Variants in KASH5 observed in about 807,000 individuals in gnomAD.
KASH5 encodes the protein KASH domain containing 5, also known as protein KASH5.
Under a neutral mutation model 84.2 loss-of-function variants are expected in KASH5, and 72 were observed. The ratio of observed to expected loss-of-function variants is 0.85; its 90% CI spans 0.71 to 1.04. The LOEUF (loss-of-function observed/expected upper bound fraction) is 1.04, where lower values mean the gene tolerates loss of function less well. KASH5 is among the 50% of genes least tolerant of loss of function. The pLI, the probability that KASH5 is intolerant of heterozygous loss-of-function variation, is 0.00. For missense variants in KASH5, 650 were observed against 701.0 expected (o/e 0.93, Z 0.82); for synonymous variants, 260 against 279.1 (o/e 0.93, Z 0.68).
At chr19:49,391,289 G>A (rs1425071251) in intron 2 of KASH5, among the ~76,000 whole-genome samples, 1 of 152,130 alleles carries the variant, frequency 6.6e-6, no homozygotes, top group African/African-American at 2.4e-5. Flanking sequence ...GCTCACATCT[G>A]TATGTCATGT....
chr19:49,416,567 C>T lies in KASH5; in HGVS notation c.1375-448C>T, dbSNP rs1974910425. Among the ~76,000 whole-genome samples, 1 of 152,150 alleles carries T rather than the reference C, an allele frequency of 6.6e-6. No individual in the cohort carries two copies. The highest frequency in any genetic ancestry group is 2.4e-5 in the African/African-American group (1 of 41,426). On this transcript the variant is annotated intron_variant, in intron 17 of 19. Coordinates refer to ENST00000447857, the MANE Select transcript of KASH5 (RefSeq NM_144688.5). This position sits in a 1 kb window ranked among gnomAD's most constrained non-coding sequence, Gnocchi z 5.4. Reference sequence around the variant, plus strand: ...AGGAAGACAGGATTCTTCATGAGGCCCAGCACAGGGGTGGGCACCTGTAGA... The same window carrying T: ...AGGAAGACAGGATTCTTCATGAGGCTCAGCACAGGGGTGGGCACCTGTAGA...
At chr19:49,407,774 A>G (rs1413495440) in intron 12 of KASH5, 103 bp downstream of exon 12, 2 of 1,118,618 alleles carry the variant, frequency 1.8e-6, no homozygotes, top group Non-Finnish European at 2.7e-6. Context: ...GTCAGTGGCC[A>G]CATCTTGCTT....
chr19:49,388,609 T>C (rs1973887239), intron 1 of KASH5: 1 of 152,040 alleles, frequency 6.6e-6, no homozygotes, highest in Non-Finnish European at 1.5e-5. Flanking sequence ...GGAGAACTGC[T>C]TGAACCTGGA....
chr19:49,398,225 C>A, intron 7 of KASH5, 82 bp downstream of exon 7: 1 of 1,273,446 alleles, frequency 7.9e-7, no homozygotes, highest in South Asian at 1.5e-5. Flanking sequence ...CTCCCATGCT[C>A]GTGTCTGCAT....
Position 49,395,240 on chromosome 19 carries a change from G to A in KASH5, c.283G>A (p.Asp95Asn), listed in dbSNP as rs752588537. The change falls in exon 4 of 20, where the codon GAC becomes AAC. Residue 95 changes from aspartate (D) to asparagine (N), a missense_variant. Coordinates refer to ENST00000447857, the MANE Select transcript of KASH5 (RefSeq NM_144688.5). The surrounding 1 kb of genome is among the most constrained non-coding windows in gnomAD (Gnocchi z 4.4). ...GGGCCCTAAGGCCACTGTGGACTTG[G>A]ACACTTTCCTGGTTGTCATGCGTGA... is the stretch of plus-strand genomic sequence containing the variant. ...GEGPKATVDL[D>N]TFLVVMRDWI... 1 of 1,613,194 alleles carries A rather than the reference G, an allele frequency of 6.2e-7. No homozygotes were observed. The highest frequency in any genetic ancestry group is 1.1e-5 in the South Asian group (1 of 91,008).
intron 14 of KASH5, among the ~76,000 whole-genome samples, chr19:49,409,509 C>G (rs1017996175): frequency 4.6e-5 from 7 of 152,162 alleles, no homozygotes; most frequent in African/African-American, 1.7e-4. Context: ...CTTTGACTCA[C>G]CCCTATCTCG....
intron 6 of KASH5, 49 bp from the exon 7 acceptor site, chr19:49,397,933 A>G: frequency 6.3e-7 from 1 of 1,586,348 alleles, no homozygotes; most frequent in Non-Finnish European, 8.6e-7. Flanking sequence ...ACCCGGGGAA[A>G]TGAGTCAGGG....
chr19:49,417,546 CAATA>C lies in KASH5; in HGVS notation c.*40_*43del. ...TTGCCCCTCAGAGCAGTGTCTAGCT[CAATA>C]AATCCCCTGGCCCTCTCTCCACTGG... is the stretch of plus-strand genomic sequence containing the variant. On this transcript the variant is annotated 3_prime_UTR_variant, in exon 20 of 20. Coordinates refer to ENST00000447857, the MANE Select transcript of KASH5 (RefSeq NM_144688.5). This position sits in a 1 kb window ranked among gnomAD's most constrained non-coding sequence, Gnocchi z 5.2. The C allele has an allele frequency of 6.7e-7, 1 of 1,487,906 alleles. No homozygotes were observed. The highest frequency in any genetic ancestry group is 1.3e-5 in the South Asian group (1 of 75,900). 92.2% of individuals were successfully genotyped at this position (1,487,906 alleles called of 1,614,324 possible). A position where few individuals can be genotyped will look rare whatever the true frequency, so the allele number is the denominator to read the frequency against.
Position 49,412,887 on chromosome 19 carries a change from C to CGGG in KASH5, c.1270-78_1270-76dup. On this transcript the variant is annotated intron_variant, in intron 15 of 19. Transcript: ENST00000447857. This position sits in a 1 kb window ranked among gnomAD's most constrained non-coding sequence, Gnocchi z 4.6. ...TTTTGTATATGGGGTCTGGGACCGGCGGGGGAGACAGTGGGCACTGTTAGG... is the reference window on the plus strand; with the variant it reads ...TTTTGTATATGGGGTCTGGGACCGGCGGGGGGGGAGACAGTGGGCACTGTTAGG... The CGGG allele has an allele frequency of 7.1e-7, 1 of 1,400,986 alleles. No individual in the cohort carries two copies. Among genetic ancestry groups the CGGG allele is most frequent in the Non-Finnish European group, 9.9e-7 (1 of 1,007,424 alleles). 86.8% of individuals were successfully genotyped at this position (1,400,986 alleles called of 1,614,324 possible). A position where few individuals can be genotyped will look rare whatever the true frequency, so the allele number is the denominator to read the frequency against.
At chr19:49,388,427 G>T (rs9304686) in intron 1 of KASH5, 100 bp downstream of exon 1, 73,327 of 151,950 alleles carry the variant, frequency 0.48, 17,835 homozygotes, top group South Asian at 0.63. Flanking sequence ...ATACCCCTGC[G>T]TCAGGGCCCC....
chr19:49,390,764 C>T, intron 1 of KASH5, 25 bp from the exon 2 acceptor site: 4 of 1,081,774 alleles, frequency 3.7e-6, no homozygotes, highest in African/African-American at 2.1e-5. Flanking sequence ...GCTCTGAGGA[C>T]ACCATTTCCT....
intron 13 of KASH5, 70 bp from the exon 14 acceptor site, chr19:49,409,126 G>A: frequency 1.9e-6 from 3 of 1,591,442 alleles, no homozygotes; most frequent in East Asian, 2.3e-5. Context: ...GGGAAGGGAG[G>A]CCAGCATGAG....
intron 13 of KASH5, 52 bp from the exon 14 acceptor site, chr19:49,409,144 A>T (rs1348715299): frequency 1.3e-6 from 2 of 1,598,574 alleles, no homozygotes; most frequent in East Asian, 4.5e-5. Flanking sequence ...GAGCTGACTG[A>T]GTGGCCACCA....
rs772172318 is a variant in KASH5, at chr19:49,412,975, TC to T, written c.1279del (p.Gln427ArgfsTer18). 1.2e-6 allele frequency: 2 copies of T among 1,613,778 alleles called. No individual in the cohort carries two copies. The highest frequency in any genetic ancestry group is 1.7e-6 in the Non-Finnish European group (2 of 1,179,828). The part of the protein sequence containing the change: ...SEAPAGGQRN[F>X]QGEPAHPEEG... Reference sequence around the variant, plus strand: ...ACCTTTTTGTTTCCACAGAGAAACTTCCAGGGAGAGCCAGCGCACCCTGAAG... The same window carrying T: ...ACCTTTTTGTTTCCACAGAGAAACTTCAGGGAGAGCCAGCGCACCCTGAAG... On this transcript the variant is annotated frameshift_variant, in exon 16 of 20. Transcript: ENST00000447857. LOFTEE classifies it high-confidence loss of function. The surrounding 1 kb of genome is among the most constrained non-coding windows in gnomAD (Gnocchi z 4.6).
At chr19:49,411,227 T>C (rs918457491) in intron 15 of KASH5, among the ~76,000 whole-genome samples, 12 of 152,070 alleles carry the variant, frequency 7.9e-5, no homozygotes, top group Non-Finnish European at 1.6e-4. Flanking sequence ...CATGAGCCAC[T>C]GCTCTGGGCT....
chr19:49,392,856 G>A (rs1404781468), intron 2 of KASH5, among the ~76,000 whole-genome samples: 3 of 151,714 alleles, frequency 2.0e-5, no homozygotes, highest in African/African-American at 4.8e-5. Flanking sequence ...AAGTTGCAGT[G>A]AGCGGAGATC....
chr19:49,407,275 A>C lies in KASH5; in HGVS notation c.912A>C (p.Gln304His), dbSNP rs1359126122. 2 of 1,613,780 alleles carry C rather than the reference A, an allele frequency of 1.2e-6. No homozygotes were observed. Among genetic ancestry groups the C allele is most frequent in the Non-Finnish European group, 8.5e-7 (1 of 1,179,842 alleles). The change falls in exon 11 of 20, where the codon CAA becomes CAC. Residue 304 changes from glutamine to histidine, a missense_variant. Coordinates refer to ENST00000447857, the MANE Select transcript of KASH5 (RefSeq NM_144688.5). ...QLFECEHLIC[Q>H]RDTILSERTR... The stretch of plus-strand genomic sequence containing the variant: ...TTGAGTGTGAACACCTCATTTGCCA[A>C]AGAGACACCATCCTCTCTGAGGTAA...
chr19:49,394,483 C>CCGGGAG lies in KASH5; in HGVS notation c.55_60dup (p.Glu19_Arg20dup), dbSNP rs778998926. On this transcript the variant is annotated inframe_insertion, in exon 3 of 20. Transcript: ENST00000447857. ...GCCCTCTTGTCTCCCCAGTGTACCTCCGGGAGCGGCCTGAGGAGGCAAGGC... is the reference window on the plus strand; with the variant it reads ...GCCCTCTTGTCTCCCCAGTGTACCTCCGGGAGCGGGAGCGGCCTGAGGAGGCAAGGC... 6.2e-7 allele frequency: 1 copy of CCGGGAG among 1,613,714 alleles called. No homozygotes were observed. Among genetic ancestry groups the CCGGGAG allele is most frequent in the Admixed American group, 1.7e-5 (1 of 60,030 alleles).
In KASH5 at chr19:49,394,475, G is replaced by C. The variant is rs1230862464; in HGVS notation, c.44-1G>C. 1 of 1,613,328 alleles carries C rather than the reference G, an allele frequency of 6.2e-7. No homozygotes were observed. The highest frequency in any genetic ancestry group is 2.2e-5 in the East Asian group (1 of 44,874). On this transcript the variant is annotated splice_acceptor_variant, in intron 2 of 19. Transcript: ENST00000447857. LOFTEE classifies it high-confidence loss of function. ...TGAGCTGAGCCCTCTTGTCTCCCCA[G>C]TGTACCTCCGGGAGCGGCCTGAGGA...
Sources: gnomAD v4.1 joint callset for allele counts (sites outside exome capture counted in the v4.1 genomes callset) on GRCh38, gnomAD v4.1.1 for gene constraint, Gnocchi (gnomAD v3.1) non-coding constraint, MANE v1.5 for transcripts, NCBI Gene and HGNC (gene_info 2026-07-23, HGNC 2026-07-21) for gene names.